PCDH7: variants seen among roughly 807,000 people sequenced by gnomAD.
The protein encoded by PCDH7 is protocadherin-7.
PCDH7 carries 17 observed loss-of-function variants against 58.9 expected under a neutral mutation model. The ratio of observed to expected loss-of-function variants is 0.29; its 90% CI spans 0.20 to 0.43. The LOEUF (loss-of-function observed/expected upper bound fraction) is 0.43, where lower values mean the gene tolerates loss of function less well. Among genes scored for constraint, PCDH7 ranks in the 20% least tolerant of loss-of-function variants. PCDH7 has a pLI of 1.00. For synonymous variants in PCDH7, 664 were observed against 616.4 expected (o/e 1.08, Z -1.14); for missense variants, 1,274 against 1,441.0 (o/e 0.88, Z 1.88).
chr4:31,137,501 T>C (rs1490969865), intron 3 of PCDH7, among the ~76,000 whole-genome samples: 4 of 152,258 alleles, frequency 2.6e-5, no homozygotes, highest in Middle Eastern at 3.4e-3. Context: ...TGAGAATCGC[T>C]TGAACCCAGG....
intron 1 of PCDH7, among the ~76,000 whole-genome samples, chr4:30,906,614 TTGAAACAA>T (rs1199098338): frequency 2.0e-5 from 3 of 152,212 alleles, no homozygotes; most frequent in African/African-American, 7.2e-5. Context: ...ACTATAAATG[TTGAAACAA>T]TGAGATATAT....
intron 1 of PCDH7, among the ~76,000 whole-genome samples, chr4:30,815,885 T>C (rs911984566): frequency 2.6e-5 from 4 of 152,150 alleles, no homozygotes; most frequent in Non-Finnish European, 4.4e-5. Context: ...TCGCCTGACA[T>C]TCCTCAGGGG....
Position 31,007,214 on chromosome 4 carries a change from A to T in PCDH7, c.*7+56999A>T, listed in dbSNP as rs143537731. On this transcript the variant is annotated intron_variant, in intron 3 of 3. Coordinates refer to the PCDH7 transcript ENST00000509759. The stretch of plus-strand genomic sequence containing the variant: ...CTCTCTGCCTCAATTTCTCATCTGT[A>T]ACATGGAGATAATAATTGTAAATAC... Among the ~76,000 whole-genome samples the T allele has an allele frequency of 3.3e-5, 5 of 152,330 alleles. No homozygotes were observed. The East Asian group carries it at 5.8e-4, about 18-fold the overall frequency.
intron 1 of PCDH7, chr4:30,725,102 A>C: frequency 1.0e-6 from 1 of 1,000,728 alleles, no homozygotes; most frequent in Non-Finnish European, 1.2e-6. Flanking sequence ...ATTCATGCAG[A>C]TGTAGTACTA....
intron 3 of PCDH7, among the ~76,000 whole-genome samples, chr4:30,964,241 TA>T (rs1251765174): frequency 0.015 from 781 of 53,182 alleles, 1 homozygote; most frequent in African/African-American, 0.069. Context: ...TTTATTTATT[TA>T]TTTATTTATT....
At chr4:30,946,130 A>G (rs1014973966) in intron 2 of PCDH7, among the ~76,000 whole-genome samples, 3 of 152,162 alleles carry the variant, frequency 2.0e-5, no homozygotes, top group African/African-American at 7.2e-5. Context: ...GATTTTTCCA[A>G]TTGTAAGAGA....
At chr4:30,753,598 A>G (rs1718861729) in intron 1 of PCDH7, among the ~76,000 whole-genome samples, 1 of 152,198 alleles carries the variant, frequency 6.6e-6, no homozygotes, top group South Asian at 2.1e-4. Context: ...GGCTCAAGGT[A>G]GATTTGGGCT....
At chr4:31,041,268 T>C (rs900282366) in intron 3 of PCDH7, among the ~76,000 whole-genome samples, 1 of 152,188 alleles carries the variant, frequency 6.6e-6, no homozygotes, top group Non-Finnish European at 1.5e-5. Flanking sequence ...TCTAACTGCT[T>C]TTAGAATTGT....
intron 3 of PCDH7, among the ~76,000 whole-genome samples, chr4:31,033,694 C>T (rs1464323961): frequency 1.3e-5 from 2 of 152,150 alleles, no homozygotes; most frequent in Admixed American, 6.5e-5. Flanking sequence ...ATCATTTCTC[C>T]ATCCAATCCT....
At chr4:31,056,336 C>A (rs1203986432) in intron 3 of PCDH7, among the ~76,000 whole-genome samples, 2 of 148,192 alleles carry the variant, frequency 1.3e-5, no homozygotes, top group African/African-American at 5.0e-5. Context: ...TCACTGCACT[C>A]CAGCATACGT....
intron 3 of PCDH7, among the ~76,000 whole-genome samples, chr4:31,081,066 C>T (rs1419080376): frequency 6.6e-6 from 1 of 152,090 alleles, no homozygotes; most frequent in Admixed American, 6.5e-5. Flanking sequence ...TATAACCTAC[C>T]CAGTCCTGGG....
intron 1 of PCDH7, among the ~76,000 whole-genome samples, chr4:30,767,072 T>C (rs1336398614): frequency 1.3e-5 from 2 of 152,304 alleles, no homozygotes; most frequent in East Asian, 3.9e-4. Flanking sequence ...CATCAAGTTC[T>C]TAAATCACTA....
At chr4:31,061,664 A>G (rs572344435) in intron 3 of PCDH7, among the ~76,000 whole-genome samples, 1 of 151,890 alleles carries the variant, frequency 6.6e-6, no homozygotes, top group South Asian at 2.1e-4. Context: ...GAGGCTTAAA[A>G]GTCAGTAATC....
In PCDH7 at chr4:30,945,906, A is replaced by C. The variant is rs1192674400; in HGVS notation, c.288-4214A>C. On this transcript the variant is annotated intron_variant, in intron 2 of 3. Coordinates refer to the PCDH7 transcript ENST00000509759. ...AATCAAGGTGACCTCTCCACACTCCAGCCCTGCCTATAACATTATGGACAT... is the reference window on the plus strand; with the variant it reads ...AATCAAGGTGACCTCTCCACACTCCCGCCCTGCCTATAACATTATGGACAT... Among the ~76,000 whole-genome samples the C allele has an allele frequency of 2.6e-5, 4 of 152,134 alleles. No individual in the cohort carries two copies. The East Asian group carries it at 7.7e-4, about 29-fold the overall frequency.
intron 3 of PCDH7, among the ~76,000 whole-genome samples, chr4:31,094,829 G>T (rs1395461202): frequency 6.6e-6 from 1 of 152,088 alleles, no homozygotes; most frequent in East Asian, 1.9e-4. Context: ...TAAGTTTTAT[G>T]ATTCGTATTA....
intron 2 of PCDH7, among the ~76,000 whole-genome samples, chr4:30,938,624 A>G (rs1417191337): frequency 6.6e-6 from 1 of 152,154 alleles, no homozygotes; most frequent in Non-Finnish European, 1.5e-5. Flanking sequence ...GACATGTTCT[A>G]TTAAATTAAA....
At chr4:30,924,083 T>C (rs1743534246) in intron 2 of PCDH7, among the ~76,000 whole-genome samples, 1 of 152,164 alleles carries the variant, frequency 6.6e-6, no homozygotes, top group Admixed American at 6.5e-5. Context: ...GACTTTCTCT[T>C]GGAGTGGTAT....
At chr4:30,762,015 G>A (rs561989068) in intron 1 of PCDH7, among the ~76,000 whole-genome samples, 1 of 152,202 alleles carries the variant, frequency 6.6e-6, no homozygotes, top group African/African-American at 2.4e-5. Flanking sequence ...TTTCTCCAAT[G>A]TTAAAGTCTT....
intron 3 of PCDH7, among the ~76,000 whole-genome samples, chr4:31,015,455 G>A (rs1292585167): frequency 2.0e-5 from 3 of 152,014 alleles, no homozygotes; most frequent in African/African-American, 7.2e-5. Context: ...ACAAACCATG[G>A]AACACTTTGT....
Sources: allele counts gnomAD v4.1 joint callset (sites outside exome capture counted in the v4.1 genomes callset), GRCh38; gene constraint gnomAD v4.1.1; transcripts MANE v1.5; gene names NCBI Gene and HGNC (gene_info 2026-07-23, HGNC 2026-07-21).